CD38: variants seen among roughly 807,000 people sequenced by gnomAD.
The protein encoded by CD38 is ADP-ribosyl cyclase/cyclic ADP-ribose hydrolase 1.
In CD38, 31 loss-of-function variants were observed where a neutral mutation model predicts 36.3. The ratio of observed to expected loss-of-function variants is 0.85; its 90% CI spans 0.64 to 1.15. The LOEUF is 1.15. Ranked by LOEUF, CD38 falls within the 50% of genes most tolerant of loss-of-function variation. CD38 has a pLI of 0.00. For synonymous variants in CD38, 131 were observed against 135.2 expected, an observed-to-expected ratio of 0.97 and a Z score of 0.22; for missense variants, 380 against 371.9, an observed-to-expected ratio of 1.02 and a Z score of -0.18.
chr4:15,815,389 C>T (rs1044950259), intron 1 of CD38, among the ~76,000 whole-genome samples: 1 of 152,118 alleles, frequency 6.6e-6, no homozygotes, highest in Non-Finnish European at 1.5e-5. Flanking sequence ...ATTTATTCTT[C>T]CTATCTATGA....
At chr4:15,813,720 T>C (rs1313823907) in intron 1 of CD38, among the ~76,000 whole-genome samples, 7 of 152,220 alleles carry the variant, frequency 4.6e-5, no homozygotes, top group Admixed American at 3.9e-4. Context: ...GTTCCTGTGT[T>C]TTTTAGCTGA....
chr4:15,792,674 T>A (rs1723030437), intron 1 of CD38, among the ~76,000 whole-genome samples: 1 of 151,998 alleles, frequency 6.6e-6, no homozygotes, highest in South Asian at 2.1e-4. Context: ...AATTCCAGAG[T>A]TTGTATAATT....
rs1449179627 is a variant in CD38, at chr4:15,778,545, C to T, written c.131C>T (p.Pro44Leu). ...GTCGTGGTGCTCGCGGTGGTCGTCC[C>T]GAGGTGGCGCCAGCAGTGGAGCGGT... ...ILVVVLAVVV[P>L]RWRQQWSGPG... The change falls in exon 1 of 8, where the codon CCG becomes CTG. Residue 44 changes from proline to leucine, a missense_variant. Physicochemically the swap from Pro to Leu is moderately conservative, Grantham distance 98 (BLOSUM62 -3). Transcript: ENST00000226279. This position sits in a 1 kb window ranked among gnomAD's most constrained non-coding sequence, Gnocchi z 4.9. 1 of 1,612,372 alleles carries T rather than the reference C, an allele frequency of 6.2e-7. No homozygotes were observed. Among genetic ancestry groups the T allele is most frequent in the East Asian group, 2.2e-5 (1 of 44,750 alleles).
chr4:15,792,512 T>C (rs1475754519), intron 1 of CD38, among the ~76,000 whole-genome samples: 1 of 151,150 alleles, frequency 6.6e-6, no homozygotes, highest in Non-Finnish European at 1.5e-5. Context: ...GTTTGGAATG[T>C]TCTCTTATGG....
Position 15,851,000 on chromosome 4 carries a change from A to C in CD38, c.*2398A>C, listed in dbSNP as rs546555486. On this transcript the variant is annotated 3_prime_UTR_variant, in exon 8 of 8. Coordinates refer to ENST00000226279, the MANE Select transcript of CD38 (RefSeq NM_001775.4). ...CTTCCAAACAAGAAATCAAAATATTAGAAATCAATTTTTGAAATTTCCCCT... is the reference window on the plus strand; with the variant it reads ...CTTCCAAACAAGAAATCAAAATATTCGAAATCAATTTTTGAAATTTCCCCT... The C allele has an allele frequency of 3.9e-5, 6 of 152,342 alleles. No individual in the cohort carries two copies. Among genetic ancestry groups the C allele is most frequent in the Non-Finnish European group, 7.3e-5 (5 of 68,058 alleles). 9.4% of individuals were successfully genotyped at this position (152,342 alleles called of 1,614,324 possible). A position where few individuals can be genotyped will look rare whatever the true frequency, so the allele number is the denominator to read the frequency against.
intron 1 of CD38, among the ~76,000 whole-genome samples, chr4:15,790,146 C>T (rs867891126): frequency 4.7e-5 from 2 of 42,226 alleles, no homozygotes; most frequent in African/African-American, 5.5e-4. Flanking sequence ...TCTCCCTCTC[C>T]CTCTCCCTCT....
At chr4:15,818,747 C>T (rs73114479) in intron 2 of CD38, among the ~76,000 whole-genome samples, 2,920 of 152,218 alleles carry the variant, frequency 0.019, 91 homozygotes, top group African/African-American at 0.067. Flanking sequence ...GGAGTGGACC[C>T]CCTGCACACT....
chr4:15,834,250 A>G lies in CD38; in HGVS notation c.533A>G (p.Lys178Arg), dbSNP rs1724018169. Residue 178 changes from lysine (K) to arginine (R), a missense_variant, in exon 4 of 8, where the codon AAG (lysine) becomes AGG (arginine). By Grantham distance (26) the Lys-to-Arg change is conservative (BLOSUM62 2). Coordinates refer to ENST00000226279, the MANE Select transcript of CD38 (RefSeq NM_001775.4). ...INYQSCPDWR[K>R]DCSNNPVSVF... ...TATCAATCTTGCCCAGACTGGAGAAAGGACTGCAGCAACAACCCTGTTTCA... is the reference window on the plus strand; with the variant it reads ...TATCAATCTTGCCCAGACTGGAGAAGGGACTGCAGCAACAACCCTGTTTCA... 6.2e-7 allele frequency: 1 copy of G among 1,612,838 alleles called. No homozygotes were observed.
intron 5 of CD38, among the ~76,000 whole-genome samples, 168 bp from the exon 6 acceptor site, chr4:15,839,858 C>T (rs1324218455): frequency 2.6e-5 from 4 of 152,016 alleles, no homozygotes; most frequent in Non-Finnish European, 4.4e-5. Flanking sequence ...TCTTGTTAAC[C>T]GAGGGTCATG....
At chr4:15,829,998 G>T (rs1723927288) in intron 3 of CD38, among the ~76,000 whole-genome samples, 1 of 152,100 alleles carries the variant, frequency 6.6e-6, no homozygotes, top group Non-Finnish European at 1.5e-5. Flanking sequence ...TCTATTGATG[G>T]ACATTTAGGT....
intron 4 of CD38, 93 bp downstream of exon 4, chr4:15,834,395 CA>C: frequency 1.3e-6 from 1 of 775,302 alleles, no homozygotes; most frequent in Non-Finnish European, 2.3e-6. Context: ...TTTTGGATTA[CA>C]AATACTTTTA....
rs530150504 is a variant in CD38, at chr4:15,837,420, A to C, written c.586-672A>C. Among the ~76,000 whole-genome samples, 6 of 152,088 alleles carry C rather than the reference A, an allele frequency of 3.9e-5. No individual in the cohort carries two copies. In the East Asian group the frequency reaches 1.2e-3, roughly 29 times the overall value. On this transcript the variant is annotated intron_variant, in intron 4 of 7. Transcript: ENST00000226279. ...CAATACAGTTGGATAATGTGGAGGG[A>C]ATGTAAGATGCTGTCAGAGTCAGAG...
chr4:15,800,311 GA>G (rs1723192745), intron 1 of CD38, among the ~76,000 whole-genome samples: 1 of 151,946 alleles, frequency 6.6e-6, no homozygotes, highest in Non-Finnish European at 1.5e-5. Context: ...TCTCTTGAGT[GA>G]ACACCCAGAA....
chr4:15,825,063 ACAGAGTGACTTCTGCTGGAGGCC>A, intron 3 of CD38, 47 bp downstream of exon 3: 1 of 1,556,910 alleles, frequency 6.4e-7, no homozygotes, highest in Non-Finnish European at 8.7e-7. Context: ...TGGAGGGTGA[ACAGAGTGACTTCTGCTGGAGGCC>A]CTGAATGATT....
chr4:15,826,313 ACTTG>A (rs1364717434), intron 3 of CD38, among the ~76,000 whole-genome samples: 1 of 152,170 alleles, frequency 6.6e-6, no homozygotes, highest in East Asian at 1.9e-4. Context: ...CTGTTGTGCA[ACTTG>A]CTTTATTCAC....
intron 1 of CD38, among the ~76,000 whole-genome samples, chr4:15,792,805 A>T (rs946375718): frequency 2.0e-5 from 3 of 152,226 alleles, no homozygotes; most frequent in African/African-American, 7.2e-5. Context: ...AATTTTTCAT[A>T]TCATCCAATA....
intron 1 of CD38, among the ~76,000 whole-genome samples, chr4:15,781,038 G>A (rs1394346347): frequency 6.6e-6 from 1 of 152,128 alleles, no homozygotes; most frequent in South Asian, 2.1e-4. Flanking sequence ...AACCCAGGAG[G>A]AGGAGGTAGC....
chr4:15,851,803 A>G lies in CD38; in HGVS notation c.*3201A>G, dbSNP rs1724392277. 1 of 152,200 alleles carries G rather than the reference A, an allele frequency of 6.6e-6. No individual in the cohort carries two copies. Among genetic ancestry groups the G allele is most frequent in the African/African-American group, 2.4e-5 (1 of 41,442 alleles). The allele number at this position is 152,200 out of a possible 1,614,324, so 9.4% of individuals were successfully genotyped here. ...TTTTGTCATTGTGTGAACATCATAG[A>G]GTGTACTTACACTAACCTAGATGGT... On this transcript the variant is annotated 3_prime_UTR_variant, in exon 8 of 8. Transcript: ENST00000226279.
At chr4:15,781,698 C>A (rs898171182) in intron 1 of CD38, among the ~76,000 whole-genome samples, 2 of 152,226 alleles carry the variant, frequency 1.3e-5, no homozygotes, top group African/African-American at 4.8e-5. Context: ...CTAAAAAATA[C>A]CTTCACATCA....
Sources: allele counts gnomAD v4.1 joint callset (sites outside exome capture counted in the v4.1 genomes callset), GRCh38; gene constraint gnomAD v4.1.1; non-coding constraint Gnocchi (gnomAD v3.1); transcripts MANE v1.5; gene names NCBI Gene and HGNC (gene_info 2026-07-23, HGNC 2026-07-21).